Variants in WWC2 observed in about 807,000 individuals in gnomAD.
The protein encoded by WWC2 is WW and C2 domain containing 2, also known as protein WWC2.
WWC2 carries 101 observed loss-of-function variants against 138.5 expected under a neutral mutation model. The ratio of observed to expected loss-of-function variants is 0.73; its 90% confidence interval spans 0.62 to 0.86. WWC2 has a LOEUF of 0.86. Ranked by LOEUF, WWC2 falls within the 40% of genes least tolerant of loss-of-function variation. The pLI is 0.00. For synonymous variants in WWC2, 558 were observed against 538.4 expected (o/e 1.04, Z -0.50); for missense variants, 1,420 against 1,419.4 (o/e 1.00, Z -0.01).
chr4:183,225,422 G>A (rs1246980919), intron 4 of WWC2, among the ~76,000 whole-genome samples: 2 of 152,078 alleles, frequency 1.3e-5, no homozygotes, highest in Non-Finnish European at 2.9e-5. Flanking sequence ...CATGTTAAAA[G>A]AAATTAAATA....
chr4:183,228,447 A>G (rs556471726), intron 4 of WWC2, among the ~76,000 whole-genome samples: 7 of 152,124 alleles, frequency 4.6e-5, no homozygotes, highest in Non-Finnish European at 1.0e-4. Context: ...CATGGAGCCT[A>G]TGCTATATTG....
chr4:183,123,545 A>G (rs1009654536), intron 1 of WWC2, among the ~76,000 whole-genome samples: 6 of 152,148 alleles, frequency 3.9e-5, no homozygotes, highest in African/African-American at 1.2e-4. Context: ...GCATCAGGAT[A>G]GTGGTTTTCT....
chr4:183,191,910 GA>G (rs1350530514), intron 1 of WWC2, among the ~76,000 whole-genome samples: 1 of 151,866 alleles, frequency 6.6e-6, no homozygotes, highest in Non-Finnish European at 1.5e-5. Flanking sequence ...TATTTTTTTA[GA>G]GACAGGGTCT....
chr4:183,197,475 T>C (rs1208673695), intron 2 of WWC2, among the ~76,000 whole-genome samples: 2 of 152,242 alleles, frequency 1.3e-5, no homozygotes, highest in African/African-American at 4.8e-5. Context: ...TTTGGCTGTT[T>C]AACACTATTT....
At chr4:183,219,536 TTAAA>T (rs1254730058) in intron 4 of WWC2, among the ~76,000 whole-genome samples, 3 of 152,162 alleles carry the variant, frequency 2.0e-5, no homozygotes, top group South Asian at 2.1e-4. Flanking sequence ...TGAAGTCTCT[TTAAA>T]TAAAAATGCC....
intron 10 of WWC2, among the ~76,000 whole-genome samples, chr4:183,260,542 A>G (rs1477540484): frequency 1.3e-5 from 2 of 152,210 alleles, no homozygotes; most frequent in African/African-American, 2.4e-5. Flanking sequence ...TAGATACACA[A>G]ATACTACCAT....
intron 8 of WWC2, among the ~76,000 whole-genome samples, chr4:183,252,642 C>T (rs1487899623): frequency 6.6e-6 from 1 of 152,194 alleles, no homozygotes; most frequent in Non-Finnish European, 1.5e-5. Context: ...TGCCAGCTGC[C>T]TGTACTAGTG....
intron 2 of WWC2, among the ~76,000 whole-genome samples, chr4:183,194,661 A>G (rs1173513398): frequency 1.3e-5 from 2 of 152,114 alleles, no homozygotes; most frequent in African/African-American, 4.8e-5. Flanking sequence ...GCCCTTGTGT[A>G]GGTAGATGAT....
intron 4 of WWC2, among the ~76,000 whole-genome samples, chr4:183,214,123 A>G (rs1001016782): frequency 2.0e-5 from 3 of 152,210 alleles, no homozygotes; most frequent in African/African-American, 4.8e-5. Flanking sequence ...ATGTGCTTTA[A>G]TACAACTTTT....
intron 1 of WWC2, among the ~76,000 whole-genome samples, chr4:183,160,128 C>T (rs1298990034): frequency 6.6e-6 from 1 of 152,204 alleles, no homozygotes. Context: ...TCCACAAATC[C>T]TGTATAAGTA....
intron 1 of WWC2, among the ~76,000 whole-genome samples, chr4:183,153,497 C>T (rs186543985): frequency 2.0e-5 from 3 of 152,102 alleles, no homozygotes; most frequent in South Asian, 2.1e-4. Flanking sequence ...ATAATTCATA[C>T]GTGTAACTAA....
chr4:183,220,701 G>A (rs936428890), intron 4 of WWC2, among the ~76,000 whole-genome samples: 4 of 152,022 alleles, frequency 2.6e-5, no homozygotes. Flanking sequence ...GGGCGTGGTG[G>A]CGGGCGCCTG....
At chr4:183,151,197 C>T (rs1733626763) in intron 1 of WWC2, among the ~76,000 whole-genome samples, 1 of 152,126 alleles carries the variant, frequency 6.6e-6, no homozygotes, top group South Asian at 2.1e-4. Flanking sequence ...CTCTCCAGCA[C>T]CTGTTGTTTC....
At chr4:183,147,595 T>C (rs955600009) in intron 1 of WWC2, among the ~76,000 whole-genome samples, 1 of 152,212 alleles carries the variant, frequency 6.6e-6, no homozygotes, top group African/African-American at 2.4e-5. Flanking sequence ...CCTTCAGCTT[T>C]TTGCTTAAAA....
chr4:183,121,785 CTTTT>C (rs528295307), intron 1 of WWC2, among the ~76,000 whole-genome samples: 7 of 124,178 alleles, frequency 5.6e-5, no homozygotes, highest in Admixed American at 8.2e-5. Flanking sequence ...TGTTAAGAAG[CTTTT>C]TTTTTTTTTT....
intron 9 of WWC2, among the ~76,000 whole-genome samples, chr4:183,259,077 C>G (rs1737240731): frequency 1.3e-5 from 2 of 152,150 alleles, no homozygotes; most frequent in Non-Finnish European, 2.9e-5. Context: ...TTAGGTCATC[C>G]TCTTCCCTAA....
chr4:183,199,651 C>G (rs1270935110), intron 2 of WWC2, among the ~76,000 whole-genome samples: 1 of 152,026 alleles, frequency 6.6e-6, no homozygotes, highest in Non-Finnish European at 1.5e-5. Flanking sequence ...TTTATTCTTC[C>G]TAAGCACAGT....
chr4:183,205,342 C>T (rs1310335304), intron 2 of WWC2, among the ~76,000 whole-genome samples: 3 of 152,170 alleles, frequency 2.0e-5, no homozygotes, highest in African/African-American at 7.2e-5. Flanking sequence ...CATCTGCTTA[C>T]TGGCTATTTG....
At chr4:183,158,151 G>A (rs1478253497) in intron 1 of WWC2, among the ~76,000 whole-genome samples, 3 of 152,012 alleles carry the variant, frequency 2.0e-5, no homozygotes, top group Non-Finnish European at 4.4e-5. Context: ...GTTCCTGTTA[G>A]GGCTTATAGC....
Sources: allele counts gnomAD v4.1 joint callset (sites outside exome capture counted in the v4.1 genomes callset), GRCh38; gene constraint gnomAD v4.1.1; transcripts MANE v1.5; gene names NCBI Gene and HGNC (gene_info 2026-07-23, HGNC 2026-07-21).